Variants in TARBP2 observed in about 807,000 individuals in gnomAD.
TARBP2 encodes TARBP2 subunit of RISC loading complex, also known as RISC-loading complex subunit TARBP2.
Under a neutral mutation model 40.4 loss-of-function variants are expected in TARBP2, and 23 were observed. The ratio of observed to expected loss-of-function variants is 0.57; its 90% CI spans 0.41 to 0.81. TARBP2 has a LOEUF of 0.81. Among genes scored for constraint, TARBP2 ranks in the 30% least tolerant of loss-of-function variants. TARBP2 has a pLI of 0.00. For missense variants in TARBP2, 358 were observed against 473.7 expected (o/e 0.76, Z 2.27); for synonymous variants, 183 against 190.5 (o/e 0.96, Z 0.32).
At position 53,505,005 on chromosome 12, in the gene TARBP2, G is replaced by T; in HGVS notation, c.614-130G>T. 1 of 1,491,326 alleles carries T rather than the reference G, an allele frequency of 6.7e-7. No homozygotes were observed. Among genetic ancestry groups the T allele is most frequent in the Non-Finnish European group, 9.1e-7 (1 of 1,103,294 alleles). 92.4% of individuals were successfully genotyped at this position (1,491,326 alleles called of 1,614,324 possible). Reference sequence around the variant, plus strand: ...TCTCTCTGGCTGACCAGGTTCTCACGTGCATGGGCAGGTCTTGAGTTCCCC... The same window carrying T: ...TCTCTCTGGCTGACCAGGTTCTCACTTGCATGGGCAGGTCTTGAGTTCCCC... On this transcript the variant is annotated intron_variant, in intron 6 of 8. Coordinates refer to ENST00000266987, the MANE Select transcript of TARBP2 (RefSeq NM_134323.2). This position sits in a 1 kb window ranked among gnomAD's most constrained non-coding sequence, Gnocchi z 4.5.
At chr12:53,503,254 C>T in intron 3 of TARBP2, 125 bp downstream of exon 3, 1 of 1,413,944 alleles carries the variant, frequency 7.1e-7, no homozygotes, top group Non-Finnish European at 9.3e-7. Flanking sequence ...CCTGAGAGTC[C>T]CTCTGGACCT....
Position 53,501,317 on chromosome 12 carries a change from T to G in TARBP2, c.-92T>G. The G allele has an allele frequency of 6.8e-7, 1 of 1,463,978 alleles. No homozygotes were observed. The highest frequency in any genetic ancestry group is 9.3e-7 in the Non-Finnish European group (1 of 1,079,108). 90.7% of individuals were successfully genotyped at this position (1,463,978 alleles called of 1,614,324 possible). On this transcript the variant is annotated 5_prime_UTR_variant, in exon 1 of 9. Transcript: ENST00000266987. ...CGCGGCGGGCCCTACCGGCCGCGAC[T>G]CCGGGCTTGGCCCCGGCCCTAGCTC...
chr12:53,501,113 TACAA>T, upstream of TARBP2: 1 of 501,154 alleles, frequency 2.0e-6, no homozygotes, highest in Non-Finnish European at 3.6e-6. Context: ...GGGACGGTAT[TACAA>T]ACAAAAAAAT....
Position 53,505,181 on chromosome 12 carries a change from A to G in TARBP2, c.660A>G (p.Lys220=), listed in dbSNP as rs768637478. 1.9e-6 allele frequency: 3 copies of G among 1,611,694 alleles called. No individual in the cohort carries two copies. The highest frequency in any genetic ancestry group is 4.5e-5 in the East Asian group (2 of 44,830). The change falls in exon 7 of 9, where the codon AAA becomes AAG. Residue 220 remains lysine, a synonymous_variant. Coordinates refer to ENST00000266987, the MANE Select transcript of TARBP2 (RefSeq NM_134323.2). The surrounding 1 kb of genome is among the most constrained non-coding windows in gnomAD (Gnocchi z 4.5). The stretch of plus-strand genomic sequence containing the variant: ...TGGCAAAGCGGAATGCGGCGGCCAA[A>G]ATGCTGCTTCGAGTGCACACGGTGC... The part of the protein sequence containing the change: ...KKLAKRNAAA[K]MLLRVHTVPL...
Position 53,505,725 on chromosome 12 carries a change from G to T in TARBP2, c.818G>T (p.Gly273Val). The T allele has an allele frequency of 6.2e-7, 1 of 1,614,110 alleles. No individual in the cohort carries two copies. The highest frequency in any genetic ancestry group is 8.5e-7 in the Non-Finnish European group (1 of 1,179,996). Residue 273 changes from glycine to valine, a missense_variant, in exon 8 of 9, where the codon GGA becomes GTA. Physicochemically the swap from Gly to Val is moderately radical, Grantham distance 109. Transcript: ENST00000266987. The surrounding 1 kb of genome is among the most constrained non-coding windows in gnomAD (Gnocchi z 4.5). ...TGGGATTCTCTACGAAATTCAGTAG[G>T]AGAGAAGATCCTGTCCCTCCGCAGT... is the stretch of plus-strand genomic sequence containing the variant. ...CTWDSLRNSV[G>V]EKILSLRSCS... is the part of the protein sequence containing the mutation.
chr12:53,501,948 T>G, intron 1 of TARBP2, 67 bp from the exon 2 acceptor site: 15 of 1,593,738 alleles, frequency 9.4e-6, no homozygotes, highest in Non-Finnish European at 1.3e-5. Context: ...AGGTCTGGTA[T>G]GGAAGTGCTT....
In TARBP2 at chr12:53,505,784, G is replaced by T. The variant is rs781157651; in HGVS notation, c.877G>T (p.Ala293Ser). The T allele has an allele frequency of 6.2e-7, 1 of 1,613,954 alleles. No individual in the cohort carries two copies. The highest frequency in any genetic ancestry group is 8.5e-7 in the Non-Finnish European group (1 of 1,180,004). Residue 293 changes from alanine to serine, a missense_variant, in exon 8 of 9, where the codon GCC (alanine) becomes TCC (serine). Transcript: ENST00000266987. The surrounding 1 kb of genome is among the most constrained non-coding windows in gnomAD (Gnocchi z 4.5). ...GGGCTCCCTGGGTGCCCTGGGCCCTGCCTGCTGCCGTGTCCTCAGTGAGCT... is the reference window on the plus strand; with the variant it reads ...GGGCTCCCTGGGTGCCCTGGGCCCTTCCTGCTGCCGTGTCCTCAGTGAGCT... Reference protein sequence around the residue: ...SLGSLGALGPACCRVLSELSE... With the variant: ...SLGSLGALGPSCCRVLSELSE...
In TARBP2 at chr12:53,505,785, C is replaced by G. The variant is rs557386671; in HGVS notation, c.878C>G (p.Ala293Gly). 5.6e-6 allele frequency: 9 copies of G among 1,613,954 alleles called. No homozygotes were observed. The highest frequency in any genetic ancestry group is 6.8e-6 in the Non-Finnish European group (8 of 1,180,004). The change falls in exon 8 of 9, where the codon GCC (alanine) becomes GGC (glycine). Residue 293 changes from alanine to glycine, a missense_variant. Ala to Gly is a moderately conservative substitution (Grantham distance 60). This residue lies in a region of TARBP2 where 317 missense variants were observed against 422.9 expected (regional missense o/e 0.75). Coordinates refer to ENST00000266987, the MANE Select transcript of TARBP2 (RefSeq NM_134323.2). This position sits in a 1 kb window ranked among gnomAD's most constrained non-coding sequence, Gnocchi z 4.5. ...GGCTCCCTGGGTGCCCTGGGCCCTG[C>G]CTGCTGCCGTGTCCTCAGTGAGCTC... Reference protein sequence around the residue: ...SLGSLGALGPACCRVLSELSE... With the variant: ...SLGSLGALGPGCCRVLSELSE...
Position 53,506,165 on chromosome 12 carries a change from A to G in TARBP2, c.*17A>G, listed in dbSNP as rs539489466. On this transcript the variant is annotated 3_prime_UTR_variant, in exon 9 of 9. Transcript: ENST00000266987. ...AGCAAGTGAAGCCCCAGCTGGACTC[A>G]TGGATGTGCACCCTTTGCTCCCTGC... 1 of 1,611,802 alleles carries G rather than the reference A, an allele frequency of 6.2e-7. No individual in the cohort carries two copies. The highest frequency in any genetic ancestry group is 1.1e-5 in the South Asian group (1 of 90,954).
chr12:53,505,229 T>C lies in TARBP2; in HGVS notation c.708T>C (p.Asn236=). 6.2e-7 allele frequency: 1 copy of C among 1,609,034 alleles called. No individual in the cohort carries two copies. Among genetic ancestry groups the C allele is most frequent in the Non-Finnish European group, 8.5e-7 (1 of 1,175,866 alleles). ...TGCCTCTGGATGCCCGGGATGGCAA[T>C]GAGGTGGAGCCTGATGATGACCACT... is the stretch of plus-strand genomic sequence containing the variant. The part of the protein sequence containing the change: ...HTVPLDARDG[N]EVEPDDDHFS... Residue 236 remains asparagine, a synonymous_variant, in exon 7 of 9, where the codon AAT becomes AAC. Coordinates refer to ENST00000266987, the MANE Select transcript of TARBP2 (RefSeq NM_134323.2). The surrounding 1 kb of genome is among the most constrained non-coding windows in gnomAD (Gnocchi z 4.5).
chr12:53,505,965 C>T lies in TARBP2; in HGVS notation c.944-26C>T. The T allele has an allele frequency of 6.2e-7, 1 of 1,608,550 alleles. No homozygotes were observed. On this transcript the variant is annotated intron_variant, in intron 8 of 8. Transcript: ENST00000266987. This position sits in a 1 kb window ranked among gnomAD's most constrained non-coding sequence, Gnocchi z 4.5. ...CCCAGGGCTACCTCCCCCAACATTGCCTCCCTCCTCTCTCTTGCTCTCCAG... is the reference window on the plus strand; with the variant it reads ...CCCAGGGCTACCTCCCCCAACATTGTCTCCCTCCTCTCTCTTGCTCTCCAG...
Position 53,505,359 on chromosome 12 carries a change from G to C in TARBP2, c.741+97G>C. On this transcript the variant is annotated intron_variant, in intron 7 of 8. Transcript: ENST00000266987. This position sits in a 1 kb window ranked among gnomAD's most constrained non-coding sequence, Gnocchi z 4.5. The stretch of plus-strand genomic sequence containing the variant: ...CTGTGACTCAGCAGTGAGCCTCTCT[G>C]GGCCCTAGGTCTGCTTCTGCCACAG... 6.7e-7 allele frequency: 1 copy of C among 1,491,486 alleles called. No individual in the cohort carries two copies. The highest frequency in any genetic ancestry group is 9.0e-7 in the Non-Finnish European group (1 of 1,116,998). 92.4% of individuals were successfully genotyped at this position (1,491,486 alleles called of 1,614,324 possible).
rs780724610 is a variant in TARBP2, at chr12:53,504,914, C to G, written c.613+99C>G. On this transcript the variant is annotated intron_variant, in intron 6 of 8. Transcript: ENST00000266987. ...GCCTCACTCTGCTACACCCCCTGCT[C>G]TCTTAGCTTCACAGTCCCTAGCTCA... 87 of 1,489,606 alleles carry G rather than the reference C, an allele frequency of 5.8e-5. 1 individual carries two copies. The African/African-American group carries it at 1.1e-3, about 18-fold the overall frequency. 92.3% of individuals were successfully genotyped at this position (1,489,606 alleles called of 1,614,324 possible).
chr12:53,501,857 C>A, intron 1 of TARBP2, 158 bp from the exon 2 acceptor site: 1 of 1,349,490 alleles, frequency 7.4e-7, no homozygotes, highest in Non-Finnish European at 9.9e-7. Flanking sequence ...CTTTTCCAGC[C>A]TGCACCTCCA....
Position 53,501,317 on chromosome 12 carries a change from T to C in TARBP2, c.-92T>C. ...CGCGGCGGGCCCTACCGGCCGCGAC[T>C]CCGGGCTTGGCCCCGGCCCTAGCTC... On this transcript the variant is annotated 5_prime_UTR_variant, in exon 1 of 9. Transcript: ENST00000266987. 6.8e-7 allele frequency: 1 copy of C among 1,463,978 alleles called. No homozygotes were observed. Among genetic ancestry groups the C allele is most frequent in the African/African-American group, 1.4e-5 (1 of 70,796 alleles). 90.7% of individuals were successfully genotyped at this position (1,463,978 alleles called of 1,614,324 possible).
chr12:53,505,631 CT>C lies in TARBP2; in HGVS notation c.742-17del. 6.2e-7 allele frequency: 1 copy of C among 1,611,258 alleles called. No homozygotes were observed. The highest frequency in any genetic ancestry group is 1.1e-5 in the South Asian group (1 of 91,046). On this transcript the variant is annotated splice_polypyrimidine_tract_variant and intron_variant, in intron 7 of 8. Coordinates refer to ENST00000266987, the MANE Select transcript of TARBP2 (RefSeq NM_134323.2). The surrounding 1 kb of genome is among the most constrained non-coding windows in gnomAD (Gnocchi z 4.5). ...ACAGTCTCTCGCTTCATCTTTCTCA[CT>C]GTTCCCATCTTGACAGGGTGTGGGC...
At chr12:53,503,178 C>A in intron 3 of TARBP2, 49 bp downstream of exon 3, 1 of 1,501,282 alleles carries the variant, frequency 6.7e-7, no homozygotes, top group Admixed American at 2.1e-5. Flanking sequence ...GAACCCAGGC[C>A]CTGCACCACC....
chr12:53,501,879 G>A, intron 1 of TARBP2, 136 bp from the exon 2 acceptor site: 1 of 1,406,210 alleles, frequency 7.1e-7, no homozygotes, highest in South Asian at 1.4e-5. Context: ...TTGGAACCCA[G>A]CCAATGGATG....
In TARBP2 at chr12:53,503,014, C is replaced by T. The variant is rs542365954; in HGVS notation, c.224-13C>T. 1.9e-6 allele frequency: 3 copies of T among 1,546,662 alleles called. No individual in the cohort carries two copies. The highest frequency in any genetic ancestry group is 2.5e-5 in the East Asian group (1 of 40,536). ...TCAGTGACCTCCAGTATTGCCCATG[C>T]CCCCTCTCTCAGGTCAGGGCCCCAG... On this transcript the variant is annotated splice_polypyrimidine_tract_variant and intron_variant, in intron 2 of 8. Transcript: ENST00000266987.
Sources: allele counts gnomAD v4.1 joint callset, GRCh38; gene constraint gnomAD v4.1.1; regional missense constraint gnomAD v4.1.1; non-coding constraint Gnocchi (gnomAD v3.1); transcripts MANE v1.5; gene names NCBI Gene and HGNC (gene_info 2026-07-23, HGNC 2026-07-21).